CECR2: variants seen among roughly 807,000 people sequenced by gnomAD.
The protein encoded by CECR2 is CECR2 histone acetyl-lysine reader, also known as chromatin remodeling regulator CECR2.
Under a neutral mutation model 154.5 loss-of-function variants are expected in CECR2, and 30 were observed. The observed-to-expected ratio is 0.19, with a 90% confidence interval of 0.15 to 0.26. CECR2 has a LOEUF of 0.26. Ranked by LOEUF, CECR2 falls within the 10% of genes least tolerant of loss-of-function variation. The pLI, the probability that CECR2 is intolerant of heterozygous loss-of-function variation, is 1.00. For missense variants in CECR2, 1,743 were observed against 1,829.3 expected, an observed-to-expected ratio of 0.95 and a Z score of 0.86; for synonymous variants, 725 against 683.7, an observed-to-expected ratio of 1.06 and a Z score of -0.94.
intron 16 of CECR2, among the ~76,000 whole-genome samples, chr22:17,546,986 C>T (rs906429931): frequency 1.2e-4 from 17 of 143,462 alleles, no homozygotes; most frequent in African/African-American, 4.5e-4. Context: ...TTGCAGTGAG[C>T]CAAGATCACG....
At chr22:17,450,632 A>G (rs561678474) in intron 1 of CECR2, among the ~76,000 whole-genome samples, 2 of 152,334 alleles carry the variant, frequency 1.3e-5, no homozygotes, top group Non-Finnish European at 2.9e-5. Flanking sequence ...CTTTCCACAA[A>G]TAATGTGTGC....
At chr22:17,427,133 A>G (rs1269489397) in intron 1 of CECR2, among the ~76,000 whole-genome samples, 1 of 151,708 alleles carries the variant, frequency 6.6e-6, no homozygotes, top group Non-Finnish European at 1.5e-5. Context: ...TCCTTGTGAT[A>G]GTTTGATGAG....
At chr22:17,503,460 T>C (rs1024069491) in intron 6 of CECR2, among the ~76,000 whole-genome samples, 1 of 152,216 alleles carries the variant, frequency 6.6e-6, no homozygotes, top group South Asian at 2.1e-4. Flanking sequence ...AATGGTTTCC[T>C]TATAGGTTTA....
At chr22:17,487,673 A>C (rs2055446744) in intron 2 of CECR2, among the ~76,000 whole-genome samples, 1 of 152,088 alleles carries the variant, frequency 6.6e-6, no homozygotes, top group Non-Finnish European at 1.5e-5. Context: ...TGGGTGTCTC[A>C]AAAAAATTTT....
At chr22:17,482,410 C>T (rs551868700) in intron 2 of CECR2, among the ~76,000 whole-genome samples, 16 of 152,176 alleles carry the variant, frequency 1.1e-4, no homozygotes, top group East Asian at 7.7e-4. Context: ...GGCGACAGAG[C>T]GAGACAAGAC....
chr22:17,550,946 A>G (rs1292637658), intron 17 of CECR2, among the ~76,000 whole-genome samples: 2 of 151,938 alleles, frequency 1.3e-5, no homozygotes, highest in South Asian at 4.1e-4. Flanking sequence ...TGTCTCAAAA[A>G]AAAAAAGTTA....
At chr22:17,398,913 T>C (rs2053852086) in intron 1 of CECR2, among the ~76,000 whole-genome samples, 1 of 152,158 alleles carries the variant, frequency 6.6e-6, no homozygotes, top group Admixed American at 6.6e-5. Flanking sequence ...AGTAAAGTAA[T>C]GCTAAATTGG....
In CECR2 at chr22:17,497,757, G is replaced by A. The variant is rs5746420; in HGVS notation, c.405+171G>A. 8.6e-4 allele frequency among the ~76,000 whole-genome samples: 131 copies of A among 152,176 alleles called. No homozygotes were observed. In the East Asian group the frequency reaches 0.024, roughly 28 times the overall value. On this transcript the variant is annotated intron_variant, in intron 3 of 18. Coordinates refer to ENST00000262608, the MANE Select transcript of CECR2 (RefSeq NM_001290047.2). ...GGAAAACCATGACTGCTGTAGCCAC[G>A]GAGATGCAAGATGTACATCCCTATG...
At chr22:17,384,954 A>G (rs1459554798) in intron 1 of CECR2, among the ~76,000 whole-genome samples, 1 of 152,190 alleles carries the variant, frequency 6.6e-6, no homozygotes, top group Admixed American at 6.5e-5. Flanking sequence ...CTGTATCCAC[A>G]CTTGAGGCCT....
At chr22:17,544,969 C>T (rs1474231366) in intron 16 of CECR2, among the ~76,000 whole-genome samples, 1 of 152,066 alleles carries the variant, frequency 6.6e-6, no homozygotes, top group African/African-American at 2.4e-5. Flanking sequence ...AAAACCATGT[C>T]TCAATACCAT....
At chr22:17,547,989 C>A (rs1444701931) in intron 16 of CECR2, among the ~76,000 whole-genome samples, 159 bp from the exon 17 acceptor site, 2 of 152,182 alleles carry the variant, frequency 1.3e-5, no homozygotes, top group Non-Finnish European at 2.9e-5. Flanking sequence ...TGTACAGGGA[C>A]CCCAATGTCC....
rs2056673454 is a variant in CECR2 at position 17,549,541 on chromosome 22, C to G, written c.4254C>G (p.Phe1418Leu). The G allele has an allele frequency of 6.3e-7, 1 of 1,597,228 alleles. No homozygotes were observed. The highest frequency in any genetic ancestry group is 8.5e-7 in the Non-Finnish European group (1 of 1,171,994). Residue 1418 changes from phenylalanine (F) to leucine (L), a missense_variant, in exon 17 of 19, where the codon TTC (phenylalanine) becomes TTG (leucine). By Grantham distance (22) the Phe-to-Leu change is conservative (BLOSUM62 0). Transcript: ENST00000262608. The part of the protein sequence containing the change: ...IGTRSGIRGP[F>L]QEMYRPSGMQ... ...CTAGAAGTGGAATAAGAGGACCTTTCCAGGAAATGTACAGACCATCAGGGT... is the reference window on the plus strand; with the variant it reads ...CTAGAAGTGGAATAAGAGGACCTTTGCAGGAAATGTACAGACCATCAGGGT...
intron 1 of CECR2, among the ~76,000 whole-genome samples, chr22:17,388,560 G>A (rs562292626): frequency 1.1e-4 from 16 of 152,262 alleles, no homozygotes; most frequent in South Asian, 8.3e-4. Flanking sequence ...CATCCAGTGC[G>A]GGTTCTTGAG....
chr22:17,484,274 C>T (rs2055381551), intron 2 of CECR2, among the ~76,000 whole-genome samples: 1 of 152,156 alleles, frequency 6.6e-6, no homozygotes, highest in Non-Finnish European at 1.5e-5. Flanking sequence ...ATTGCAGCCT[C>T]AAACTTCTAG....
intron 1 of CECR2, among the ~76,000 whole-genome samples, chr22:17,444,920 A>G (rs1250608431): frequency 6.6e-6 from 1 of 152,242 alleles, no homozygotes; most frequent in Non-Finnish European, 1.5e-5. Flanking sequence ...CGCTAAACCA[A>G]AAAGAATATT....
chr22:17,438,952 G>A (rs2054545734), intron 1 of CECR2, among the ~76,000 whole-genome samples: 1 of 152,036 alleles, frequency 6.6e-6, no homozygotes, highest in Non-Finnish European at 1.5e-5. Context: ...AAGTTGGGAG[G>A]ATCACTTGAG....
At chr22:17,522,743 G>A (rs746721298) in intron 8 of CECR2, among the ~76,000 whole-genome samples, 9 of 152,190 alleles carry the variant, frequency 5.9e-5, no homozygotes, top group Admixed American at 1.3e-4. Context: ...CATGGCTCAC[G>A]CCTGTAATCC....
At chr22:17,439,116 GAC>G (rs1453062101) in intron 1 of CECR2, among the ~76,000 whole-genome samples, 2 of 150,688 alleles carry the variant, frequency 1.3e-5, no homozygotes, top group Admixed American at 6.6e-5. Context: ...CAGTGAATAA[GAC>G]ACATAAAAAT....
At chr22:17,453,893 A>T (rs569025948) in intron 1 of CECR2, among the ~76,000 whole-genome samples, 1 of 152,138 alleles carries the variant, frequency 6.6e-6, no homozygotes, top group Non-Finnish European at 1.5e-5. Context: ...TTCAAGTGCT[A>T]TTTCTTTATG....
Sources: allele counts gnomAD v4.1 joint callset (sites outside exome capture counted in the v4.1 genomes callset), GRCh38; gene constraint gnomAD v4.1.1; transcripts MANE v1.5; gene names NCBI Gene and HGNC (gene_info 2026-07-23, HGNC 2026-07-21).